RABGAP1L: variants seen among roughly 807,000 people sequenced by gnomAD.
RABGAP1L encodes the protein RAB GTPase activating protein 1 like, also known as rab GTPase-activating protein 1-like.
A neutral mutation model predicts 137.7 loss-of-function variants in RABGAP1L; 63 were observed. The ratio of observed to expected loss-of-function variants is 0.46; its 90% CI spans 0.37 to 0.56. The LOEUF (loss-of-function observed/expected upper bound fraction) is 0.56. Ranked by LOEUF, RABGAP1L falls within the 20% of genes least tolerant of loss-of-function variation. The pLI, the probability that RABGAP1L is intolerant of heterozygous loss-of-function variation, is 0.00. For missense variants in RABGAP1L, 1,095 were observed against 1,244.0 expected, an observed-to-expected ratio of 0.88 and a Z score of 1.80; for synonymous variants, 431 against 433.7, an observed-to-expected ratio of 0.99 and a Z score of 0.08.
At chr1:174,861,248 GTTGTC>G (rs1650216915) in intron 19 of RABGAP1L, among the ~76,000 whole-genome samples, 5 of 152,016 alleles carry the variant, frequency 3.3e-5, no homozygotes, top group Admixed American at 2.6e-4. Flanking sequence ...CTTCATCCAT[GTTGTC>G]ATGAAGGGCA....
chr1:174,674,677 T>C (rs1482439212), intron 14 of RABGAP1L, among the ~76,000 whole-genome samples: 6 of 150,860 alleles, frequency 4.0e-5, no homozygotes, highest in Admixed American at 3.3e-4. Flanking sequence ...ACTTCCACAA[T>C]GGTTGAACTA....
chr1:174,720,220 G>T (rs1010509253), intron 17 of RABGAP1L, among the ~76,000 whole-genome samples: 13 of 151,506 alleles, frequency 8.6e-5, no homozygotes, highest in Admixed American at 7.2e-4. Flanking sequence ...ATGTTGCTGA[G>T]GTAACTGGAG....
At chr1:174,353,302 C>T (rs1424193887) in intron 11 of RABGAP1L, among the ~76,000 whole-genome samples, 1 of 152,126 alleles carries the variant, frequency 6.6e-6, no homozygotes, top group Non-Finnish European at 1.5e-5. Flanking sequence ...TTACTCTCCC[C>T]TCTTATTTCC....
intron 17 of RABGAP1L, among the ~76,000 whole-genome samples, chr1:174,739,938 T>C (rs1157241812): frequency 6.6e-6 from 1 of 152,208 alleles, no homozygotes; most frequent in African/African-American, 2.4e-5. Flanking sequence ...TCTTTTGTAC[T>C]TCTTGGCAGA....
At chr1:174,424,126 C>T (rs1651675608) in intron 13 of RABGAP1L, among the ~76,000 whole-genome samples, 1 of 152,036 alleles carries the variant, frequency 6.6e-6, no homozygotes, top group African/African-American at 2.4e-5. Flanking sequence ...AAATATGTGT[C>T]TATGGTTTTT....
At chr1:174,315,876 C>T (rs752914494) in intron 11 of RABGAP1L, among the ~76,000 whole-genome samples, 1 of 152,044 alleles carries the variant, frequency 6.6e-6, no homozygotes, top group African/African-American at 2.4e-5. Context: ...TGCTTAGATT[C>T]GCACCTTTGA....
intron 19 of RABGAP1L, among the ~76,000 whole-genome samples, chr1:174,853,792 G>A (rs983604419): frequency 1.3e-5 from 2 of 152,134 alleles, no homozygotes; most frequent in Admixed American, 1.3e-4. Context: ...ACCTGGCTCT[G>A]GTAGACTATT....
chr1:174,600,857 C>A (rs942764132), intron 13 of RABGAP1L, among the ~76,000 whole-genome samples: 2 of 152,210 alleles, frequency 1.3e-5, no homozygotes, highest in South Asian at 4.1e-4. Flanking sequence ...CCTATTCTCA[C>A]AACTCCACTA....
intron 14 of RABGAP1L, among the ~76,000 whole-genome samples, chr1:174,680,397 G>A (rs966747505): frequency 3.3e-5 from 5 of 152,184 alleles, no homozygotes; most frequent in Non-Finnish European, 7.3e-5. Flanking sequence ...CAATTTCTGT[G>A]AACCAGGAAA....
intron 3 of RABGAP1L, among the ~76,000 whole-genome samples, chr1:174,230,582 G>A (rs889342339): frequency 2.5e-4 from 38 of 152,104 alleles, no homozygotes; most frequent in African/African-American, 8.2e-4. Flanking sequence ...AAATGATTTA[G>A]GGGCTCACAC....
rs148059119 is a variant in RABGAP1L, at chr1:174,834,492, G to A, written c.2340+22532G>A. 7.3e-3 allele frequency among the ~76,000 whole-genome samples: 1,096 copies of A among 149,362 alleles called. 6 individuals carry two copies. Among genetic ancestry groups the A allele is most frequent in the Non-Finnish European group, 0.011 (745 of 67,624 alleles). On this transcript the variant is annotated intron_variant, in intron 19 of 25. Transcript: ENST00000681986. Reference sequence around the variant, plus strand: ...TTCTCTGGGCATTTGCCAATCCCTCGTGGCCAAAACCATGGGCTTTAATAG... The same window carrying A: ...TTCTCTGGGCATTTGCCAATCCCTCATGGCCAAAACCATGGGCTTTAATAG...
intron 13 of RABGAP1L, among the ~76,000 whole-genome samples, chr1:174,469,357 G>A (rs1014604489): frequency 6.6e-6 from 1 of 152,160 alleles, no homozygotes; most frequent in African/African-American, 2.4e-5. Flanking sequence ...TATTTTCTCT[G>A]ATGTTAATTA....
Position 174,920,203 on chromosome 1 carries a change from G to A in RABGAP1L, c.2341-37254G>A, listed in dbSNP as rs568198320. 2.9e-3 allele frequency among the ~76,000 whole-genome samples: 449 copies of A among 152,286 alleles called. 3 individuals are homozygous for A. The highest frequency in any genetic ancestry group is 0.01 in the African/African-American group (429 of 41,550). The stretch of plus-strand genomic sequence containing the variant: ...TGCTAATAAAGACATACCTGAGACT[G>A]GGCAGTTTGCAAAGGCAAGAGGTTT... On this transcript the variant is annotated intron_variant, in intron 19 of 25. Coordinates refer to ENST00000681986, the MANE Select transcript of RABGAP1L (RefSeq NM_001366446.1).
intron 13 of RABGAP1L, among the ~76,000 whole-genome samples, chr1:174,442,166 A>G (rs1005065123): frequency 2.6e-5 from 4 of 151,988 alleles, no homozygotes; most frequent in Non-Finnish European, 5.9e-5. Context: ...ACTTTTCTTT[A>G]CAAGGAATGT....
intron 19 of RABGAP1L, among the ~76,000 whole-genome samples, chr1:174,924,836 C>T (rs1662440536): frequency 6.6e-6 from 1 of 151,806 alleles, no homozygotes; most frequent in Non-Finnish European, 1.5e-5. Flanking sequence ...TAAGTAGAGA[C>T]AGGCAATAAA....
intron 13 of RABGAP1L, among the ~76,000 whole-genome samples, chr1:174,501,692 C>T (rs576492429): frequency 8.5e-4 from 129 of 151,998 alleles, no homozygotes; most frequent in African/African-American, 2.9e-3. Context: ...TAACACTTTA[C>T]TTTTTGTTTT....
intron 19 of RABGAP1L, among the ~76,000 whole-genome samples, chr1:174,944,932 A>AT (rs1319131666): frequency 1.3e-5 from 2 of 152,188 alleles, no homozygotes; most frequent in Non-Finnish European, 2.9e-5. Context: ...AGCGACATGT[A>AT]TTTACTTTTG....
chr1:174,279,956 A>G (rs568030095), intron 10 of RABGAP1L, among the ~76,000 whole-genome samples: 186 of 151,850 alleles, frequency 1.2e-3, no homozygotes, highest in African/African-American at 4.3e-3. Flanking sequence ...TCTTCTAATG[A>G]TGATAAATTA....
intron 15 of RABGAP1L, among the ~76,000 whole-genome samples, chr1:174,694,268 A>G (rs1679086028): frequency 6.6e-6 from 1 of 151,840 alleles, no homozygotes; most frequent in African/African-American, 2.4e-5. Flanking sequence ...TTACATATGT[A>G]TACATGTGCC....
Sources: gnomAD v4.1 joint callset for allele counts (sites outside exome capture counted in the v4.1 genomes callset) on GRCh38, gnomAD v4.1.1 for gene constraint, MANE v1.5 for transcripts, NCBI Gene and HGNC (gene_info 2026-07-23, HGNC 2026-07-21) for gene names.